Variants in PTPRM observed in about 807,000 individuals in gnomAD.
PTPRM encodes receptor-type tyrosine-protein phosphatase mu.
PTPRM carries 47 observed loss-of-function variants against 186.7 expected under a neutral mutation model. The observed-to-expected ratio is 0.25, with a 90% CI of 0.20 to 0.32. The LOEUF (loss-of-function observed/expected upper bound fraction) is 0.32, where lower values mean the gene tolerates loss of function less well. Ranked by LOEUF, PTPRM falls within the 10% of genes least tolerant of loss-of-function variation. The pLI, the probability that PTPRM is intolerant of heterozygous loss-of-function variation, is 1.00. For missense variants in PTPRM, 1,494 were observed against 1,865.0 expected (o/e 0.80, Z 3.66); for synonymous variants, 668 against 674.9 (o/e 0.99, Z 0.16).
chr18:7,595,977 A>G (rs1329851777), intron 1 of PTPRM, among the ~76,000 whole-genome samples: 3 of 152,210 alleles, frequency 2.0e-5, no homozygotes, highest in Non-Finnish European at 4.4e-5. Context: ...CTTGTTTGAC[A>G]AAAGATGGTT....
chr18:8,209,897 G>C (rs965294555), intron 14 of PTPRM, among the ~76,000 whole-genome samples: 1 of 149,386 alleles, frequency 6.7e-6, no homozygotes, highest in Non-Finnish European at 1.5e-5. Flanking sequence ...TAGATGATGG[G>C]TTGATAGGTG....
At chr18:8,048,740 T>C (rs1600251111) in intron 7 of PTPRM, among the ~76,000 whole-genome samples, 1 of 152,274 alleles carries the variant, frequency 6.6e-6, no homozygotes, top group East Asian at 1.9e-4. Context: ...AGATTGTAAA[T>C]ACCAAAATAG....
chr18:7,935,374 T>C (rs2051741775), intron 5 of PTPRM, among the ~76,000 whole-genome samples: 2 of 150,428 alleles, frequency 1.3e-5, no homozygotes, highest in Admixed American at 6.6e-5. Flanking sequence ...TGAAAACCTT[T>C]AGGCGTATAC....
intron 7 of PTPRM, among the ~76,000 whole-genome samples, chr18:8,045,998 G>A (rs1172085795): frequency 1.3e-5 from 2 of 152,142 alleles, no homozygotes; most frequent in Admixed American, 1.3e-4. Flanking sequence ...ATCCTTACGT[G>A]TCAAGGGTAG....
intron 2 of PTPRM, among the ~76,000 whole-genome samples, chr18:7,875,001 T>A (rs181650502): frequency 7.0e-4 from 107 of 152,222 alleles, no homozygotes; most frequent in Admixed American, 6.9e-3. Flanking sequence ...GAGATCAGCC[T>A]GGCCAACATG....
At chr18:8,352,659 TTTG>T (rs145020151) in intron 23 of PTPRM, among the ~76,000 whole-genome samples, 15 of 128,670 alleles carry the variant, frequency 1.2e-4, no homozygotes, top group Non-Finnish European at 2.0e-4. Flanking sequence ...TTTGGTTTTT[TTTG>T]TTTGTTTGTT....
At chr18:7,894,049 G>A (rs963522599) in intron 3 of PTPRM, among the ~76,000 whole-genome samples, 7 of 152,124 alleles carry the variant, frequency 4.6e-5, no homozygotes, top group African/African-American at 1.4e-4. Context: ...AATAAGCTCT[G>A]AAGTTGAGCC....
At chr18:7,909,613 G>C (rs2050162701) in intron 4 of PTPRM, among the ~76,000 whole-genome samples, 1 of 152,092 alleles carries the variant, frequency 6.6e-6, no homozygotes, top group Admixed American at 6.6e-5. Context: ...TTGAAATTTT[G>C]ATGTTCATTA....
At chr18:8,288,151 A>G (rs892130177) in intron 19 of PTPRM, among the ~76,000 whole-genome samples, 2 of 152,250 alleles carry the variant, frequency 1.3e-5, no homozygotes, top group African/African-American at 4.8e-5. Flanking sequence ...TCCTCATTCC[A>G]TAAGAAGCAG....
intron 1 of PTPRM, among the ~76,000 whole-genome samples, chr18:7,687,789 T>C (rs2039637680): frequency 6.6e-6 from 1 of 151,832 alleles, no homozygotes; most frequent in Non-Finnish European, 1.5e-5. Flanking sequence ...TTTTTTTTTT[T>C]TTTTTTTAAG....
At chr18:8,243,341 C>T (rs767213885) in intron 14 of PTPRM, among the ~76,000 whole-genome samples, 2 of 152,148 alleles carry the variant, frequency 1.3e-5, no homozygotes, top group African/African-American at 2.4e-5. Flanking sequence ...GCAGGGAACC[C>T]AGCGACATGA....
chr18:8,029,201 T>C (rs183167832), intron 7 of PTPRM, among the ~76,000 whole-genome samples: 93 of 134,052 alleles, frequency 6.9e-4, no homozygotes, highest in African/African-American at 2.5e-3. Flanking sequence ...GTGCCTCTCC[T>C]CCACCTGTCC....
intron 3 of PTPRM, among the ~76,000 whole-genome samples, chr18:7,897,616 A>G (rs2049434141): frequency 6.6e-6 from 1 of 152,230 alleles, no homozygotes; most frequent in South Asian, 2.1e-4. Context: ...ACCCTCAAAG[A>G]TCTTATTTTT....
At chr18:7,727,951 T>G (rs1598445094) in intron 1 of PTPRM, among the ~76,000 whole-genome samples, 1 of 152,196 alleles carries the variant, frequency 6.6e-6, no homozygotes, top group East Asian at 1.9e-4. Flanking sequence ...GGCACTAAAA[T>G]CAAGGGCATC....
At chr18:7,733,345 T>G (rs8093450) in intron 1 of PTPRM, among the ~76,000 whole-genome samples, 7,391 of 152,232 alleles carry the variant, frequency 0.049, 454 homozygotes, top group East Asian at 0.13. Context: ...GTGTTTGGTT[T>G]TCTGATCCTG....
intron 1 of PTPRM, among the ~76,000 whole-genome samples, chr18:7,606,596 G>A (rs753448517): frequency 6.6e-5 from 10 of 152,124 alleles, no homozygotes; most frequent in Non-Finnish European, 1.3e-4. Context: ...TAAGCACACA[G>A]TCACATATAC....
At chr18:7,612,197 G>GT in intron 1 of PTPRM, among the ~76,000 whole-genome samples, 1 of 151,888 alleles carries the variant, frequency 6.6e-6, no homozygotes, top group Non-Finnish European at 1.5e-5. Context: ...GTGTGTGTGT[G>GT]GTGTGTGCAT....
intron 2 of PTPRM, among the ~76,000 whole-genome samples, chr18:7,836,081 T>C (rs2046033658): frequency 6.6e-6 from 1 of 152,194 alleles, no homozygotes; most frequent in African/African-American, 2.4e-5. Context: ...TTGGAGAGTT[T>C]AGTCCTTTAC....
At chr18:8,118,812 ATATATAT>A (rs2092061667) in intron 13 of PTPRM, among the ~76,000 whole-genome samples, 1 of 75,188 alleles carries the variant, frequency 1.3e-5, no homozygotes, top group African/African-American at 5.2e-5. Flanking sequence ...AAAAAAAAAA[ATATATAT>A]ATATATATAT....
Sources: allele counts gnomAD v4.1 joint callset (sites outside exome capture counted in the v4.1 genomes callset), GRCh38; gene constraint gnomAD v4.1.1; transcripts MANE v1.5; gene names NCBI Gene and HGNC (gene_info 2026-07-23, HGNC 2026-07-21).